The following RANBP17 variants were observed in gnomAD, a reference collection of about 807,000 sequenced individuals.
RANBP17 encodes RAN binding protein 17.
In RANBP17, 158 loss-of-function variants were observed where a neutral mutation model predicts 141.2. The observed-to-expected ratio is 1.12, with a 90% CI of 0.98 to 1.28. RANBP17 has a LOEUF of 1.28. Ranked by LOEUF, RANBP17 falls within the 50% of genes most tolerant of loss-of-function variation. The pLI, the probability that RANBP17 is intolerant of heterozygous loss-of-function variation, is 0.00. For missense variants in RANBP17, 1,438 were observed against 1,290.7 expected (o/e 1.11, Z -1.75); for synonymous variants, 430 against 450.0 (o/e 0.96, Z 0.56).
chr5:171,089,680 G>C lies in RANBP17; in HGVS notation c.1711-80450G>C, dbSNP rs1240870611. 5.3e-5 allele frequency among the ~76,000 whole-genome samples: 8 copies of C among 152,262 alleles called. No homozygotes were observed. The East Asian group carries it at 9.7e-4, about 18-fold the overall frequency. On this transcript the variant is annotated intron_variant, in intron 14 of 27. Transcript: ENST00000523189. ...CTCGTGGTGCGCCGTTTTTTAAGCC[G>C]GTCTGAAAAGCGCAATATTCGGGTG...
At chr5:171,037,235 G>A (rs980769562) in intron 14 of RANBP17, among the ~76,000 whole-genome samples, 2 of 152,038 alleles carry the variant, frequency 1.3e-5, no homozygotes, top group Non-Finnish European at 2.9e-5. Context: ...TTTGTTGGCT[G>A]CTTATATGTC....
intron 14 of RANBP17, among the ~76,000 whole-genome samples, chr5:171,071,653 CAA>C (rs34555837): frequency 1.9e-4 from 13 of 69,614 alleles, no homozygotes; most frequent in Non-Finnish European, 2.5e-4. Context: ...CAGCTTTATG[CAA>C]AAAAAAAAAA....
intron 25 of RANBP17, among the ~76,000 whole-genome samples, chr5:171,281,806 A>G (rs1373629655): frequency 6.6e-6 from 1 of 152,240 alleles, no homozygotes; most frequent in East Asian, 1.9e-4. Flanking sequence ...AACCTTGTAG[A>G]TAACGAGAGG....
At chr5:171,059,108 T>G (rs1203148399) in intron 14 of RANBP17, among the ~76,000 whole-genome samples, 1 of 152,048 alleles carries the variant, frequency 6.6e-6, no homozygotes, top group African/African-American at 2.4e-5. Flanking sequence ...TCCCATTTTG[T>G]AGGTTGCCTG....
intron 1 of RANBP17, 28 bp downstream of exon 1, chr5:170,862,079 C>T: frequency 6.9e-7 from 1 of 1,442,860 alleles, no homozygotes; most frequent in Non-Finnish European, 9.1e-7. Context: ...CGCGGGCCCG[C>T]GCTCCGCCAC....
chr5:171,166,320 T>C (rs1043907650), intron 14 of RANBP17, among the ~76,000 whole-genome samples: 5 of 152,184 alleles, frequency 3.3e-5, no homozygotes, highest in Non-Finnish European at 7.4e-5. Flanking sequence ...ACCACACAGA[T>C]AGGTTTAGTC....
At chr5:170,955,648 G>GTATATATATATATA (rs1159344330) in intron 13 of RANBP17, among the ~76,000 whole-genome samples, 3 of 21,770 alleles carry the variant, frequency 1.4e-4, no homozygotes, top group African/African-American at 4.4e-4. Flanking sequence ...TATGCTCAGT[G>GTATATATATATATA]TATATATATA....
At chr5:171,134,168 A>C (rs1196808117) in intron 14 of RANBP17, among the ~76,000 whole-genome samples, 1 of 152,234 alleles carries the variant, frequency 6.6e-6, no homozygotes, top group African/African-American at 2.4e-5. Flanking sequence ...AAAGATGGAT[A>C]TACATTACCC....
chr5:170,879,623 A>G (rs1485198970), intron 2 of RANBP17, among the ~76,000 whole-genome samples: 5 of 152,166 alleles, frequency 3.3e-5, no homozygotes, highest in Non-Finnish European at 1.5e-5. Flanking sequence ...GGTTGAATTT[A>G]TTGAGGAACA....
intron 14 of RANBP17, among the ~76,000 whole-genome samples, chr5:170,975,493 T>G (rs966393995): frequency 6.6e-6 from 1 of 152,144 alleles, no homozygotes; most frequent in African/African-American, 2.4e-5. Context: ...GCCACTGCAC[T>G]CCAGCCTGGG....
chr5:170,961,681 A>C (rs892812412), intron 13 of RANBP17, among the ~76,000 whole-genome samples: 1 of 152,210 alleles, frequency 6.6e-6, no homozygotes, highest in African/African-American at 2.4e-5. Context: ...CAGATATTCC[A>C]AATTTCAAAA....
chr5:170,962,314 C>T (rs1384112985), intron 13 of RANBP17, among the ~76,000 whole-genome samples: 1 of 152,130 alleles, frequency 6.6e-6, no homozygotes. Context: ...GATGTCATTG[C>T]CTCTTAGGCA....
chr5:170,928,759 A>G (rs1426494805), intron 12 of RANBP17, among the ~76,000 whole-genome samples: 2 of 132,504 alleles, frequency 1.5e-5, no homozygotes, highest in Admixed American at 8.3e-5. Flanking sequence ...AGGTAATACA[A>G]ATTATTTAAC....
chr5:171,208,461 T>A (rs1354081081), intron 20 of RANBP17, among the ~76,000 whole-genome samples: 2 of 152,204 alleles, frequency 1.3e-5, no homozygotes, highest in African/African-American at 2.4e-5. Context: ...TCTGATCTCC[T>A]TGTTTAAAAT....
intron 2 of RANBP17, among the ~76,000 whole-genome samples, chr5:170,880,249 T>A (rs1428412413): frequency 6.6e-6 from 1 of 152,186 alleles, no homozygotes; most frequent in Non-Finnish European, 1.5e-5. Flanking sequence ...TTGGTAACAT[T>A]AATGGTATGA....
intron 14 of RANBP17, among the ~76,000 whole-genome samples, chr5:171,072,256 A>G (rs1784675539): frequency 6.6e-6 from 1 of 152,124 alleles, no homozygotes; most frequent in Admixed American, 6.6e-5. Context: ...ATGGAAATGG[A>G]CTTTCCCCTA....
At chr5:170,897,200 G>A (rs1019682943) in intron 5 of RANBP17, 2 of 708,492 alleles carry the variant, frequency 2.8e-6, no homozygotes, top group African/African-American at 1.8e-5. Context: ...TAATTGGGCT[G>A]TGGATCACAA....
intron 20 of RANBP17, among the ~76,000 whole-genome samples, chr5:171,209,249 T>C (rs571628151): frequency 1.3e-5 from 2 of 152,250 alleles, no homozygotes; most frequent in East Asian, 1.9e-4. Flanking sequence ...GAGTCAGTAG[T>C]GAAGATGTTT....
At chr5:171,141,819 T>C (rs1424213345) in intron 14 of RANBP17, among the ~76,000 whole-genome samples, 1 of 152,084 alleles carries the variant, frequency 6.6e-6, no homozygotes, top group Non-Finnish European at 1.5e-5. Context: ...TATTCAAGAG[T>C]TCATTTTAAA....
Sources: gnomAD v4.1 joint callset for allele counts (sites outside exome capture counted in the v4.1 genomes callset) on GRCh38, gnomAD v4.1.1 for gene constraint, MANE v1.5 for transcripts, NCBI Gene and HGNC (gene_info 2026-07-23, HGNC 2026-07-21) for gene names.